The following UQCRFS1 variants were observed in gnomAD, a reference collection of about 807,000 sequenced individuals.
The protein encoded by UQCRFS1 is ubiquinol-cytochrome c reductase, Rieske iron-sulfur polypeptide 1.
Under a neutral mutation model 15.6 loss-of-function variants are expected in UQCRFS1, and 6 were observed. That is an observed-to-expected ratio of 0.38 (90% CI 0.21 to 0.76). UQCRFS1 has a LOEUF of 0.76. UQCRFS1 is among the 30% of genes least tolerant of loss of function. The pLI is 0.44. For missense variants in UQCRFS1, 203 were observed against 366.7 expected, an observed-to-expected ratio of 0.55 and a Z score of 3.65; for synonymous variants, 105 against 154.3, an observed-to-expected ratio of 0.68 and a Z score of 2.37.
chr19:29,207,839 A>C lies in UQCRFS1; in HGVS notation c.534T>G (p.His178Gln). Residue 178 changes from histidine (H) to glutamine (Q), a missense_variant, in exon 2 of 2, where the codon CAT becomes CAG. Transcript: ENST00000304863. The part of the protein sequence containing the change: ...KWRGKPLFVR[H>Q]RTQKEIEQEA... ...CCTGCTCAATTTCCTTCTGGGTTCT[A>C]TGACGCACAAACAGGGGTTTGCCTC... 6.2e-7 allele frequency: 1 copy of C among 1,614,018 alleles called. No homozygotes were observed. Among genetic ancestry groups the C allele is most frequent in the Non-Finnish European group, 8.5e-7 (1 of 1,179,872 alleles).
At chr19:29,208,667 T>A (rs1976616110) in intron 1 of UQCRFS1, among the ~76,000 whole-genome samples, 1 of 152,206 alleles carries the variant, frequency 6.6e-6, no homozygotes, top group East Asian at 1.9e-4. Flanking sequence ...TATAGTCCAA[T>A]CTATGTTCTC....
chr19:29,212,686 T>A (rs1424332453), intron 1 of UQCRFS1, among the ~76,000 whole-genome samples: 1 of 151,974 alleles, frequency 6.6e-6, no homozygotes, highest in Non-Finnish European at 1.5e-5. Flanking sequence ...GCTCGTGAAC[T>A]CGGCCGAGGA....
intron 1 of UQCRFS1, 26 bp from the exon 2 acceptor site, chr19:29,208,184 A>G: frequency 1.3e-6 from 2 of 1,585,700 alleles, no homozygotes; most frequent in Non-Finnish European, 1.7e-6. Flanking sequence ...AAGGTTAAAA[A>G]ACACAATTAG....
intron 1 of UQCRFS1, among the ~76,000 whole-genome samples, chr19:29,211,619 C>T (rs745611540): frequency 3.3e-5 from 5 of 152,178 alleles, no homozygotes; most frequent in Non-Finnish European, 7.3e-5. Flanking sequence ...AAACACAATA[C>T]AGAGTGTAAA....
intron 1 of UQCRFS1, among the ~76,000 whole-genome samples, chr19:29,208,528 CA>C: frequency 6.6e-6 from 1 of 152,244 alleles, no homozygotes; most frequent in Non-Finnish European, 1.5e-5. Context: ...ATTCAACTGC[CA>C]AGACTTACTA....
chr19:29,211,413 TC>T (rs1976646348), intron 1 of UQCRFS1, among the ~76,000 whole-genome samples: 1 of 152,170 alleles, frequency 6.6e-6, no homozygotes, highest in South Asian at 2.1e-4. Context: ...CACCTCCAGG[TC>T]CCAAGGATGG....
intron 1 of UQCRFS1, 32 bp downstream of exon 1, chr19:29,212,873 C>T: frequency 7.0e-7 from 1 of 1,419,522 alleles, no homozygotes; most frequent in Non-Finnish European, 9.1e-7. Flanking sequence ...GAGAGACCCC[C>T]AGCCCTGCTC....
At position 29,212,900 on chromosome 19, in the gene UQCRFS1, C is replaced by G; in HGVS notation, c.214+5G>C. 7.0e-7 allele frequency: 1 copy of G among 1,429,984 alleles called. No homozygotes were observed. The highest frequency in any genetic ancestry group is 9.1e-7 in the Non-Finnish European group (1 of 1,103,054). 88.6% of individuals were successfully genotyped at this position (1,429,984 alleles called of 1,614,324 possible). A position where few individuals can be genotyped will look rare whatever the true frequency, so the allele number is the denominator to read the frequency against. ...GCCCTGCTCGCGGCCCTCGCCCCGG[C>G]TCACCATTGAGGCCCACGGAGGCGA... On this transcript the variant is annotated splice_donor_5th_base_variant and intron_variant, in intron 1 of 1. Coordinates refer to ENST00000304863, the MANE Select transcript of UQCRFS1 (RefSeq NM_006003.3).
intron 1 of UQCRFS1, 147 bp downstream of exon 1, chr19:29,212,758 C>A: frequency 1.2e-6 from 1 of 845,856 alleles, no homozygotes; most frequent in Non-Finnish European, 1.6e-6. Context: ...GCCCCGAGCC[C>A]GGGGGCCAGG....
In UQCRFS1 at chr19:29,213,045, G is replaced by C. The variant is rs2145209372; in HGVS notation, c.74C>G (p.Ala25Gly). 6.9e-7 allele frequency: 1 copy of C among 1,440,200 alleles called. No individual in the cohort carries two copies. Among genetic ancestry groups the C allele is most frequent in the Non-Finnish European group, 9.0e-7 (1 of 1,110,272 alleles). 89.2% of individuals were successfully genotyped at this position (1,440,200 alleles called of 1,614,324 possible). The stretch of plus-strand genomic sequence containing the variant: ...CGTGGCCTGCACCAAGGGCCGCAGC[G>C]CGCCCGCCACCCCGCGGGACGTGGC... Reference protein sequence around the residue: ...LSATSRGVAGALRPLVQATVP... With the variant: ...LSATSRGVAGGLRPLVQATVP... Residue 25 changes from alanine (A) to glycine (G), a missense_variant, in exon 1 of 2, where the codon GCG (alanine) becomes GGG (glycine). Physicochemically the swap from Ala to Gly is moderately conservative, Grantham distance 60 (BLOSUM62 0). Transcript: ENST00000304863.
chr19:29,208,361 AC>A (rs1976613542), intron 1 of UQCRFS1, among the ~76,000 whole-genome samples: 1 of 152,212 alleles, frequency 6.6e-6, no homozygotes, highest in Non-Finnish European at 1.5e-5. Flanking sequence ...GTGAACCACC[AC>A]CTATCATACT....
At chr19:29,209,589 T>G (rs1976624209) in intron 1 of UQCRFS1, among the ~76,000 whole-genome samples, 1 of 152,134 alleles carries the variant, frequency 6.6e-6, no homozygotes, top group African/African-American at 2.4e-5. Flanking sequence ...AATGGCAACT[T>G]GAGACTCACA....
At chr19:29,212,270 T>C (rs1331516289) in intron 1 of UQCRFS1, among the ~76,000 whole-genome samples, 3 of 152,242 alleles carry the variant, frequency 2.0e-5, no homozygotes, top group Admixed American at 1.3e-4. Flanking sequence ...CGAGTCATTC[T>C]ACCTCGTCTG....
At position 29,207,650 on chromosome 19, in the gene UQCRFS1, T is replaced by C. The variant is rs746611014; in HGVS notation, c.723A>G (p.Ser241=). 6.2e-7 allele frequency: 1 copy of C among 1,613,950 alleles called. No homozygotes were observed. Reference sequence around the variant, plus strand: ...TGATCCTGCCAGATGCATCATAGTGTGACCCATGGCAAGGGCAGTAATAAC... The same window carrying C: ...TGATCCTGCCAGATGCATCATAGTGCGACCCATGGCAAGGGCAGTAATAAC... ...FGGYYCPCHG[S]HYDASGRIRL... The change falls in exon 2 of 2, where the codon TCA becomes TCG. Residue 241 remains serine, a synonymous_variant. Transcript: ENST00000304863.
chr19:29,209,803 T>C (rs1976625976), intron 1 of UQCRFS1, among the ~76,000 whole-genome samples: 1 of 152,168 alleles, frequency 6.6e-6, no homozygotes, highest in Non-Finnish European at 1.5e-5. Context: ...AAAAACAGTA[T>C]CCACAACCCT....
At position 29,207,799 on chromosome 19, in the gene UQCRFS1, A is replaced by G; in HGVS notation, c.574T>C (p.Leu192=). 3 of 1,613,994 alleles carry G rather than the reference A, an allele frequency of 1.9e-6. No individual in the cohort carries two copies. The highest frequency in any genetic ancestry group is 2.5e-6 in the Non-Finnish European group (3 of 1,179,872). The change falls in exon 2 of 2, where the codon TTA becomes CTA. Residue 192 remains leucine, a synonymous_variant. Coordinates refer to ENST00000304863, the MANE Select transcript of UQCRFS1 (RefSeq NM_006003.3). ...KEIEQEAAVE[L]SQLRDPQHDL... ...TGCTGTGGGTCCCTCAACTGTGATA[A>G]TTCAACTGCAGCTTCCTGCTCAATT...
In UQCRFS1 at chr19:29,206,654, C is replaced by T. The variant is rs1355062651; in HGVS notation, c.*894G>A. 2 of 152,158 alleles carry T rather than the reference C, an allele frequency of 1.3e-5. No homozygotes were observed. The highest frequency in any genetic ancestry group is 4.8e-5 in the African/African-American group (2 of 41,430). The allele number at this position is 152,158 out of a possible 1,614,324, so 9.4% of individuals were successfully genotyped here. On this transcript the variant is annotated 3_prime_UTR_variant, in exon 2 of 2. Coordinates refer to ENST00000304863, the MANE Select transcript of UQCRFS1 (RefSeq NM_006003.3). ...TGAAAAGTGCTGAGTGACTGTAAAC[C>T]CAACAGGAAAAAACATTCAAAGTGT... is the stretch of plus-strand genomic sequence containing the variant.
intron 1 of UQCRFS1, among the ~76,000 whole-genome samples, chr19:29,212,019 G>C (rs575576621): frequency 6.6e-6 from 1 of 152,222 alleles, no homozygotes; most frequent in South Asian, 2.1e-4. Flanking sequence ...AGCATTTTAA[G>C]AGATGCCATT....
intron 1 of UQCRFS1, among the ~76,000 whole-genome samples, chr19:29,209,639 A>C (rs990989476): frequency 2.6e-5 from 4 of 152,142 alleles, no homozygotes; most frequent in Non-Finnish European, 5.9e-5. Flanking sequence ...TACATCCTAT[A>C]CTACTACTCT....
Sources: gnomAD v4.1 joint callset for allele counts (sites outside exome capture counted in the v4.1 genomes callset) on GRCh38, gnomAD v4.1.1 for gene constraint, MANE v1.5 for transcripts, NCBI Gene and HGNC (gene_info 2026-07-23, HGNC 2026-07-21) for gene names.